TEX11: variants seen among roughly 807,000 people sequenced by gnomAD.
TEX11 encodes testis-expressed protein 11.
TEX11 carries 7 observed loss-of-function variants against 84.4 expected under a neutral mutation model. The ratio of observed to expected loss-of-function variants is 0.08; its 90% CI spans 0.05 to 0.16. TEX11 has a LOEUF of 0.16. TEX11 is among the 10% of genes least tolerant of loss of function. The pLI, the probability that TEX11 is intolerant of heterozygous loss-of-function variation, is 1.00. For synonymous variants in TEX11, 264 were observed against 222.8 expected, an observed-to-expected ratio of 1.18 and a Z score of -1.64; for missense variants, 551 against 660.5, an observed-to-expected ratio of 0.83 and a Z score of 1.82.
At chrX:70,744,033 A>G (rs2090752008) in intron 10 of TEX11, 132 bp downstream of exon 10, 1 of 248,725 alleles carries the variant, frequency 4.0e-6, no homozygotes, top group African/African-American at 2.9e-5. Flanking sequence ...AAAAACAAAT[A>G]CACTGAGATG....
intron 21 of TEX11, 80 bp downstream of exon 21, chrX:70,610,423 G>A: frequency 1.1e-6 from 1 of 888,991 alleles, no homozygotes; most frequent in Non-Finnish European, 1.6e-6. Context: ...GGTTAAAGTT[G>A]CTGTGCTTAG....
chrX:70,666,094 C>G (rs764082040), intron 16 of TEX11, among the ~76,000 whole-genome samples: 37 of 111,795 alleles, frequency 3.3e-4, no homozygotes, highest in African/African-American at 1.2e-3. Flanking sequence ...GATATGGTCT[C>G]TGTCCTCAAG....
At chrX:70,607,157 T>A in intron 22 of TEX11, 128 bp from the exon 23 acceptor site, 1 of 470,649 alleles carries the variant, frequency 2.1e-6, no homozygotes, top group South Asian at 6.8e-5. Flanking sequence ...TCTCAAGGTT[T>A]AAACAATTAA....
At chrX:70,748,877 T>C (rs1279454551) in intron 9 of TEX11, among the ~76,000 whole-genome samples, 3 of 100,920 alleles carry the variant, frequency 3.0e-5, no homozygotes, top group Non-Finnish European at 6.0e-5. Flanking sequence ...TTTGTTCTTT[T>C]GGCTTAGGAT....
intron 14 of TEX11, among the ~76,000 whole-genome samples, chrX:70,679,503 T>C (rs1378017862): frequency 9.4e-6 from 1 of 106,577 alleles, no homozygotes; most frequent in African/African-American, 3.4e-5. Flanking sequence ...GGAGCGCCTC[T>C]TCCCGGCCGC....
intron 9 of TEX11, among the ~76,000 whole-genome samples, chrX:70,747,688 G>A (rs1336455361): frequency 1.8e-5 from 2 of 111,409 alleles, no homozygotes; most frequent in African/African-American, 6.5e-5. Context: ...AAAATTAAAG[G>A]AAGGTCTGAT....
rs369785376 is a variant in TEX11, at chrX:70,638,171, A to G, written c.1484-8436T>C. ...TCTCCAATAAGATACAATCCAAACA[A>G]GACAACACCAAGACATATTATAATC... On this transcript the variant is annotated intron_variant, in intron 17 of 29. Coordinates refer to ENST00000374333, the MANE Select transcript of TEX11 (RefSeq NM_031276.3). 4.5e-5 allele frequency among the ~76,000 whole-genome samples: 5 copies of G among 111,564 alleles called. No individual in the cohort carries two copies. In the East Asian group the frequency reaches 1.4e-3, roughly 31 times the overall value.
intron 2 of TEX11, among the ~76,000 whole-genome samples, chrX:70,888,221 ACTAAATAAGGCACTAGGGAC>A (rs1247924478): frequency 1.8e-5 from 2 of 112,718 alleles, no homozygotes; most frequent in Non-Finnish European, 3.7e-5. Flanking sequence ...CACCAAATGA[ACTAAATAAGGCACTAGGGAC>A]CAACCTGGAG....
intron 7 of TEX11, among the ~76,000 whole-genome samples, chrX:70,844,272 T>C (rs1259080958): frequency 9.1e-6 from 1 of 109,793 alleles, no homozygotes; most frequent in Non-Finnish European, 1.9e-5. Flanking sequence ...CATGGAATAC[T>C]ATGCAGCCAT....
At chrX:70,836,132 A>G (rs1173472909) in intron 7 of TEX11, among the ~76,000 whole-genome samples, 3 of 109,572 alleles carry the variant, frequency 2.7e-5, no homozygotes, top group African/African-American at 9.9e-5. Context: ...AAAAAAGACA[A>G]TATATTAAAA....
intron 13 of TEX11, among the ~76,000 whole-genome samples, chrX:70,715,375 T>C (rs2090487510): frequency 8.9e-6 from 1 of 111,963 alleles, no homozygotes; most frequent in Non-Finnish European, 1.9e-5. Context: ...CTGGATAATA[T>C]CCTGCAGTGT....
rs759325357 is a variant in TEX11, at chrX:70,859,699, G to A, written c.324+1158C>T. On this transcript the variant is annotated intron_variant, in intron 5 of 29. Coordinates refer to ENST00000374333, the MANE Select transcript of TEX11 (RefSeq NM_031276.3). Reference sequence around the variant, plus strand: ...CATAAACATACATTTGTATTTTGGGGGGTGGAAATAAATGTTTAAAAAATT... The same window carrying A: ...CATAAACATACATTTGTATTTTGGGAGGTGGAAATAAATGTTTAAAAAATT... Among the ~76,000 whole-genome samples, 24 of 110,587 alleles carry A rather than the reference G, an allele frequency of 2.2e-4. 1 individual carries two copies. Among genetic ancestry groups the A allele is most frequent in the South Asian group, 3.8e-4 (1 of 2,598 alleles).
chrX:70,641,809 G>A (rs1404828301), intron 17 of TEX11, among the ~76,000 whole-genome samples: 5 of 110,382 alleles, frequency 4.5e-5, no homozygotes. Flanking sequence ...GCCCACAAGA[G>A]AAAGCAGGAA....
intron 7 of TEX11, among the ~76,000 whole-genome samples, chrX:70,841,007 T>G (rs757792197): frequency 1.8e-5 from 2 of 110,780 alleles, no homozygotes; most frequent in African/African-American, 6.5e-5. Flanking sequence ...ACAAAGAGAC[T>G]TAGACTCCCA....
chrX:70,795,608 C>T (rs1169269597), intron 9 of TEX11, among the ~76,000 whole-genome samples: 1 of 111,531 alleles, frequency 9.0e-6, no homozygotes, highest in African/African-American at 3.3e-5. Context: ...TGTATCACTC[C>T]TCCCCTAGCT....
chrX:70,558,905 A>G (rs1389757190), intron 25 of TEX11, among the ~76,000 whole-genome samples: 1 of 112,220 alleles, frequency 8.9e-6, no homozygotes, highest in Non-Finnish European at 1.9e-5. Flanking sequence ...AGAATAAAAA[A>G]GGCAGGTAAT....
chrX:70,720,428 T>G (rs182034552), intron 13 of TEX11, among the ~76,000 whole-genome samples: 1,148 of 109,692 alleles, frequency 0.01, 14 homozygotes, highest in African/African-American at 0.036. Flanking sequence ...AAATGAGGAG[T>G]TAATGGGTGC....
At chrX:70,564,267 C>G (rs1290044068) in intron 25 of TEX11, among the ~76,000 whole-genome samples, 1 of 111,763 alleles carries the variant, frequency 8.9e-6, no homozygotes, top group Non-Finnish European at 1.9e-5. Flanking sequence ...AAAAAAGACA[C>G]TGACACTGAC....
At chrX:70,813,949 A>C (rs1303550219) in intron 8 of TEX11, among the ~76,000 whole-genome samples, 1 of 111,904 alleles carries the variant, frequency 8.9e-6, no homozygotes, top group Non-Finnish European at 1.9e-5. Context: ...GAAACATAAG[A>C]GGACACAAAC....
Sources: allele counts gnomAD v4.1 joint callset (sites outside exome capture counted in the v4.1 genomes callset), GRCh38; gene constraint gnomAD v4.1.1; transcripts MANE v1.5; gene names NCBI Gene and HGNC (gene_info 2026-07-23, HGNC 2026-07-21).